Variants in JPH3 observed in about 807,000 individuals in gnomAD.
JPH3 encodes junctophilin 3.
A neutral mutation model predicts 59.6 loss-of-function variants in JPH3; 11 were observed. The observed-to-expected ratio is 0.18, with a 90% CI of 0.12 to 0.31. JPH3 has a LOEUF of 0.31. Among genes scored for constraint, JPH3 ranks in the 10% least tolerant of loss-of-function variants. JPH3 has a pLI of 1.00. For missense variants in JPH3, 1,202 were observed against 1,105.7 expected (o/e 1.09, Z -1.24); for synonymous variants, 673 against 483.6 (o/e 1.39, Z -5.14).
chr16:87,674,921 C>T (rs909459333), intron 2 of JPH3, among the ~76,000 whole-genome samples: 6 of 151,928 alleles, frequency 3.9e-5, no homozygotes, highest in Admixed American at 6.6e-5. Flanking sequence ...CCACCATGCC[C>T]GGCTAATTTT....
rs759383771 is a variant in JPH3, at chr16:87,689,986, C to A, written c.1626C>A (p.Val542=). ...GEEQAGGSRG[V]RSGALRGGLL... is the part of the protein sequence containing the mutation. ...AGCAGGCCGGGGGCTCCAGGGGTGT[C>A]CGCAGCGGTGCCCTGCGCGGCGGCC... Residue 542 remains valine, a synonymous_variant, in exon 4 of 5, where the codon GTC becomes GTA. Coordinates refer to ENST00000284262, the MANE Select transcript of JPH3 (RefSeq NM_020655.4). 2.3e-5 allele frequency: 34 copies of A among 1,480,746 alleles called. No homozygotes were observed. In the East Asian group the frequency reaches 8.2e-4, roughly 36 times the overall value. The allele number at this position is 1,480,746 out of a possible 1,614,324, so 91.7% of individuals were successfully genotyped here.
chr16:87,696,089 C>G (rs1369770866), intron 4 of JPH3: 1 of 457,062 alleles, frequency 2.2e-6, no homozygotes, highest in Non-Finnish European at 4.4e-6. Flanking sequence ...GGACACTGTG[C>G]TCACGGACTT....
At chr16:87,633,616 T>G (rs2031636148) in intron 1 of JPH3, among the ~76,000 whole-genome samples, 1 of 151,892 alleles carries the variant, frequency 6.6e-6, no homozygotes. Context: ...CTGGCCAACA[T>G]GGTGAAACCC....
At chr16:87,605,458 C>G (rs1318372398) in intron 1 of JPH3, among the ~76,000 whole-genome samples, 1 of 152,200 alleles carries the variant, frequency 6.6e-6, no homozygotes, top group African/African-American at 2.4e-5. Context: ...GCAAAGCAGA[C>G]ACAGATCTTT....
intron 1 of JPH3, among the ~76,000 whole-genome samples, chr16:87,638,565 T>A (rs2031834731): frequency 2.0e-5 from 1 of 49,088 alleles, no homozygotes; most frequent in African/African-American, 7.9e-5. Context: ...AGGACAAGGG[T>A]TAGGTAGGAG....
At position 87,689,890 on chromosome 16, in the gene JPH3, G is replaced by A; in HGVS notation, c.1530G>A (p.Glu510=). The part of the protein sequence containing the change: ...HFSRQVSVDE[E]RGGDIQMLLE... ...CGAGGCAGGTGTCGGTGGACGAGGA[G>A]CGGGGCGGGGACATCCAGATGCTCC... The change falls in exon 4 of 5, where the codon GAG becomes GAA. Residue 510 remains glutamate, a synonymous_variant. Coordinates refer to ENST00000284262, the MANE Select transcript of JPH3 (RefSeq NM_020655.4). 1 of 1,477,840 alleles carries A rather than the reference G, an allele frequency of 6.8e-7. No individual in the cohort carries two copies. Among genetic ancestry groups the A allele is most frequent in the African/African-American group, 1.4e-5 (1 of 71,476 alleles). 91.5% of individuals were successfully genotyped at this position (1,477,840 alleles called of 1,614,324 possible). A position where few individuals can be genotyped will look rare whatever the true frequency, so the allele number is the denominator to read the frequency against.
intron 2 of JPH3, among the ~76,000 whole-genome samples, chr16:87,656,618 C>A (rs534837178): frequency 6.6e-6 from 1 of 152,282 alleles, no homozygotes; most frequent in African/African-American, 2.4e-5. Context: ...ACATTCGAGG[C>A]CCTGGCTTGG....
At chr16:87,616,480 G>A (rs2030975916) in intron 1 of JPH3, among the ~76,000 whole-genome samples, 1 of 150,278 alleles carries the variant, frequency 6.7e-6, no homozygotes, top group African/African-American at 2.5e-5. Context: ...TTGATCTCCT[G>A]ACCTCGTGAT....
intron 2 of JPH3, among the ~76,000 whole-genome samples, chr16:87,674,251 G>A (rs961924319): frequency 2.0e-5 from 3 of 152,038 alleles, no homozygotes; most frequent in Non-Finnish European, 2.9e-5. Context: ...GGAGAATGGC[G>A]TGAACCCGGG....
chr16:87,679,013 A>G (rs1378882439), intron 2 of JPH3, among the ~76,000 whole-genome samples: 1 of 152,192 alleles, frequency 6.6e-6, no homozygotes, highest in African/African-American at 2.4e-5. Flanking sequence ...GTGGTCATTC[A>G]TTACCGTAGC....
At chr16:87,674,728 C>G (rs1369846340) in intron 2 of JPH3, among the ~76,000 whole-genome samples, 2 of 152,108 alleles carry the variant, frequency 1.3e-5, no homozygotes, top group Non-Finnish European at 2.9e-5. Flanking sequence ...AAAATTTTTT[C>G]TAAAGAACTT....
chr16:87,668,707 A>G (rs2032938693), intron 2 of JPH3, among the ~76,000 whole-genome samples: 1 of 152,202 alleles, frequency 6.6e-6, no homozygotes, highest in East Asian at 1.9e-4. Context: ...CATTGCTGTC[A>G]GTCTCTAAAT....
Position 87,614,596 on chromosome 16 carries a change from C to G in JPH3, c.382+11068C>G, listed in dbSNP as rs145631689. On this transcript the variant is annotated intron_variant, in intron 1 of 4. Transcript: ENST00000284262. Reference sequence around the variant, plus strand: ...GTACACGTGTGGAGCTGTCTGTTCCCTCCCAGGATAAACGCTGGTCCCTGC... The same window carrying G: ...GTACACGTGTGGAGCTGTCTGTTCCGTCCCAGGATAAACGCTGGTCCCTGC... Among the ~76,000 whole-genome samples, 131 of 151,642 alleles carry G rather than the reference C, an allele frequency of 8.6e-4. 1 individual carries two copies. In the South Asian group the frequency reaches 8.8e-3, roughly 10 times the overall value.
chr16:87,659,391 A>AAAAAAAAAAAAAAAAAAAAAAAAAAAAC (rs1567603525), intron 2 of JPH3, among the ~76,000 whole-genome samples: 2 of 146,200 alleles, frequency 1.4e-5, no homozygotes, highest in African/African-American at 5.1e-5. Context: ...AAAAAAGAAA[A>AAAAAAAAAAAAAAAAAAAAAAAAAAAAC]AAAAAAAGAA....
At chr16:87,612,794 G>A (rs1019115255) in intron 1 of JPH3, among the ~76,000 whole-genome samples, 4 of 151,976 alleles carry the variant, frequency 2.6e-5, no homozygotes, top group Admixed American at 6.6e-5. Flanking sequence ...GGCGGGCGGA[G>A]GCCGAGGAGG....
At chr16:87,616,239 T>TGTGTGTGTGTGTG (rs1491549852) in intron 1 of JPH3, among the ~76,000 whole-genome samples, 1 of 105,966 alleles carries the variant, frequency 9.4e-6, no homozygotes, top group African/African-American at 3.3e-5. Flanking sequence ...TGTGTGTGTA[T>TGTGTGTGTGTGTG]TTTTTTTTTT....
At chr16:87,612,410 C>CT (rs11291783) in intron 1 of JPH3, among the ~76,000 whole-genome samples, 37,293 of 152,104 alleles carry the variant, frequency 0.25, 5,631 homozygotes, top group Middle Eastern at 0.33. Context: ...GTGTGAGCAA[C>CT]TTTTTTACAG....
At chr16:87,615,505 C>T (rs2030922648) in intron 1 of JPH3, among the ~76,000 whole-genome samples, 1 of 152,206 alleles carries the variant, frequency 6.6e-6, no homozygotes. Context: ...GGAGCTTTCC[C>T]TGTTCATTTG....
At chr16:87,695,015 G>A (rs768695664) in intron 4 of JPH3, 27 of 322,966 alleles carry the variant, frequency 8.4e-5, no homozygotes, top group Non-Finnish European at 1.3e-4. Context: ...GGGAGTGTGT[G>A]CACACACAAG....
Sources: allele counts gnomAD v4.1 joint callset (sites outside exome capture counted in the v4.1 genomes callset), GRCh38; gene constraint gnomAD v4.1.1; transcripts MANE v1.5; gene names NCBI Gene and HGNC (gene_info 2026-07-23, HGNC 2026-07-21).